DGLUCY: variants seen among roughly 807,000 people sequenced by gnomAD.
The protein encoded by DGLUCY is D-glutamate cyclase, mitochondrial.
In DGLUCY, 58 loss-of-function variants were observed where a neutral mutation model predicts 58.5. That is an observed-to-expected ratio of 0.99 (90% CI 0.80 to 1.23). The LOEUF (loss-of-function observed/expected upper bound fraction) is 1.23. DGLUCY is among the 50% of genes most tolerant of loss of function. The pLI is 0.00. For synonymous variants in DGLUCY, 325 were observed against 314.1 expected, an observed-to-expected ratio of 1.03 and a Z score of -0.37; for missense variants, 779 against 784.7, an observed-to-expected ratio of 0.99 and a Z score of 0.09.
upstream of DGLUCY, among the ~76,000 whole-genome samples, chr14:91,106,414 A>C (rs2044591245): frequency 1.3e-5 from 2 of 151,704 alleles, no homozygotes; most frequent in Admixed American, 1.3e-4. Flanking sequence ...GTAGTTTAAA[A>C]AACTAAGTTT....
In DGLUCY at chr14:91,141,881, T is replaced by G. The variant is rs538120264; in HGVS notation, c.-81-15758T>G. On this transcript the variant is annotated intron_variant, in intron 1 of 13. Transcript: ENST00000256324. The stretch of plus-strand genomic sequence containing the variant: ...TTTTTTTTCAGACAGAGTCTTGCTC[T>G]GTCGCCTAGGCTGGAGTGCAGTGGC... 3.4e-5 allele frequency among the ~76,000 whole-genome samples: 5 copies of G among 145,592 alleles called. 1 individual carries two copies. The South Asian group carries it at 8.8e-4, about 26-fold the overall frequency.
At chr14:91,190,277 G>A (rs575210565) in intron 9 of DGLUCY, among the ~76,000 whole-genome samples, 2 of 152,204 alleles carry the variant, frequency 1.3e-5, no homozygotes, top group Non-Finnish European at 2.9e-5. Flanking sequence ...GTGAGCCACC[G>A]CGCCCGGCCT....
At chr14:91,110,558 G>A (rs1379617427), upstream of DGLUCY, among the ~76,000 whole-genome samples, 3 of 151,334 alleles carry the variant, frequency 2.0e-5, no homozygotes, top group Non-Finnish European at 4.4e-5. Context: ...AGCCTCCCTG[G>A]TAGCTGGGAC....
At chr14:91,102,794 T>C (rs2044515314) in intron 1 of DGLUCY, among the ~76,000 whole-genome samples, 1 of 150,422 alleles carries the variant, frequency 6.6e-6, no homozygotes, top group Non-Finnish European at 1.5e-5. Context: ...TGTTTGAGAC[T>C]GAGTCTCGCT....
At chr14:91,131,747 G>C (rs1347260422) in intron 1 of DGLUCY, among the ~76,000 whole-genome samples, 1 of 151,982 alleles carries the variant, frequency 6.6e-6, no homozygotes, top group African/African-American at 2.4e-5. Context: ...TTAAGTATTT[G>C]ATCTACCTGG....
rs1467060337 is a variant in DGLUCY, at chr14:91,204,786, A to G, written c.1525A>G (p.Ile509Val). The change falls in exon 12 of 14, where the codon ATC (isoleucine) becomes GTC (valine). Residue 509 changes from isoleucine to valine, a missense_variant. Coordinates refer to ENST00000256324, the MANE Select transcript of DGLUCY (RefSeq NM_001102368.3). ...GAGGCACATACGGCACGGGGATGTC[A>G]TCGCCTGCGACGTGGAGGCTGACTT... is the stretch of plus-strand genomic sequence containing the variant. ...VRRHIRHGDVIACDVEADFAV... is the reference protein window; with the variant it reads ...VRRHIRHGDVVACDVEADFAV... The G allele has an allele frequency of 1.2e-6, 2 of 1,614,034 alleles. No individual in the cohort carries two copies. Among genetic ancestry groups the G allele is most frequent in the South Asian group, 2.2e-5 (2 of 91,076 alleles).
chr14:91,062,546 T>TAA (rs745934410), intron 1 of DGLUCY, among the ~76,000 whole-genome samples: 1,884 of 18,066 alleles, frequency 0.1, 452 homozygotes, highest in Non-Finnish European at 0.12. Context: ...AGACTCTGTC[T>TAA]AAAAAAAAAA....
chr14:91,153,360 T>C (rs925724431), intron 1 of DGLUCY, among the ~76,000 whole-genome samples: 2 of 152,158 alleles, frequency 1.3e-5, no homozygotes, highest in African/African-American at 4.8e-5. Flanking sequence ...TTTTTGTATT[T>C]TTAGTAGAGA....
chr14:91,207,991 G>A (rs112092354), intron 12 of DGLUCY, among the ~76,000 whole-genome samples: 2,351 of 152,160 alleles, frequency 0.015, 70 homozygotes, highest in African/African-American at 0.054. Flanking sequence ...CAGGTGATTC[G>A]TCTGCCTTGG....
chr14:91,126,876 C>A (rs535324868), intron 1 of DGLUCY, among the ~76,000 whole-genome samples: 1 of 152,022 alleles, frequency 6.6e-6, no homozygotes, highest in African/African-American at 2.4e-5. Context: ...CATTCCACCC[C>A]CTGTAGGGCA....
chr14:91,150,242 A>AAAAAAAC (rs2047246680), intron 1 of DGLUCY, among the ~76,000 whole-genome samples: 2 of 136,338 alleles, frequency 1.5e-5, no homozygotes, highest in Admixed American at 7.5e-5. Flanking sequence ...AAAAAAAAAA[A>AAAAAAAC]TCCAGTTTGG....
chr14:91,124,875 G>T (rs1189918715), intron 1 of DGLUCY, among the ~76,000 whole-genome samples: 2 of 152,178 alleles, frequency 1.3e-5, no homozygotes, highest in Non-Finnish European at 2.9e-5. Flanking sequence ...AATGTTCTTA[G>T]CTCCCACAAT....
At chr14:91,204,874 G>A (rs768912909) in intron 12 of DGLUCY, 49 bp downstream of exon 12, 41 of 1,610,882 alleles carry the variant, frequency 2.5e-5, no homozygotes, top group Middle Eastern at 3.4e-4. Flanking sequence ...CAGGGTGAGC[G>A]ACCTGGCTTG....
At chr14:91,149,992 G>A (rs1414357090) in intron 1 of DGLUCY, among the ~76,000 whole-genome samples, 6 of 152,114 alleles carry the variant, frequency 3.9e-5, no homozygotes, top group South Asian at 4.2e-4. Flanking sequence ...TGGCCGAGGC[G>A]GGCGTATCAC....
intron 1 of DGLUCY, among the ~76,000 whole-genome samples, chr14:91,073,396 G>T (rs746020382): frequency 6.6e-6 from 1 of 151,952 alleles, no homozygotes; most frequent in African/African-American, 2.4e-5. Flanking sequence ...AGCCAAGATC[G>T]TGCCACTATA....
At chr14:91,082,436 G>A (rs540548855) in intron 1 of DGLUCY, among the ~76,000 whole-genome samples, 2 of 152,172 alleles carry the variant, frequency 1.3e-5, no homozygotes, top group Non-Finnish European at 2.9e-5. Flanking sequence ...ATTACTTCAG[G>A]AACATTGTTG....
intron 4 of DGLUCY, 76 bp from the exon 5 acceptor site, chr14:91,169,927 C>T: frequency 1.4e-6 from 2 of 1,448,928 alleles, no homozygotes; most frequent in South Asian, 2.3e-5. Context: ...TCTCTCTCCG[C>T]AGTCCTTCTA....
intron 1 of DGLUCY, among the ~76,000 whole-genome samples, chr14:91,135,653 T>TA (rs60532081): frequency 0.039 from 3,871 of 100,268 alleles, 278 homozygotes; most frequent in African/African-American, 0.13. Context: ...TCTGCCTCAT[T>TA]AAAAAAAAAA....
At chr14:91,138,534 C>T (rs781749904) in intron 1 of DGLUCY, among the ~76,000 whole-genome samples, 2 of 152,078 alleles carry the variant, frequency 1.3e-5, no homozygotes, top group Non-Finnish European at 1.5e-5. Flanking sequence ...GACTGGGTAA[C>T]TTATAAAGGA....
Sources: allele counts gnomAD v4.1 joint callset (sites outside exome capture counted in the v4.1 genomes callset), GRCh38; gene constraint gnomAD v4.1.1; transcripts MANE v1.5; gene names NCBI Gene and HGNC (gene_info 2026-07-23, HGNC 2026-07-21).